Variants in EZR observed in about 807,000 individuals in gnomAD.
EZR encodes cytovillin 2.
Under a neutral mutation model 74.8 loss-of-function variants are expected in EZR, and 40 were observed. The ratio of observed to expected loss-of-function variants is 0.53; its 90% CI spans 0.42 to 0.70. The LOEUF (loss-of-function observed/expected upper bound fraction) is 0.70. Ranked by LOEUF, EZR falls within the 30% of genes least tolerant of loss-of-function variation. The pLI is 0.00. For synonymous variants in EZR, 341 were observed against 283.3 expected, an observed-to-expected ratio of 1.20 and a Z score of -2.05; for missense variants, 678 against 755.8, an observed-to-expected ratio of 0.90 and a Z score of 1.21.
At chr6:158,771,622 T>G (rs954769778) in intron 8 of EZR, among the ~76,000 whole-genome samples, 1 of 151,978 alleles carries the variant, frequency 6.6e-6, no homozygotes, top group African/African-American at 2.4e-5. Flanking sequence ...TATGTAGCAC[T>G]GGGAAAGTGC....
intron 2 of EZR, among the ~76,000 whole-genome samples, chr6:158,802,998 C>T (rs899383271): frequency 2.6e-5 from 4 of 151,154 alleles, no homozygotes; most frequent in Non-Finnish European, 5.9e-5. Context: ...CTTTAAGGAA[C>T]TTTTTGAGTA....
At chr6:158,800,865 G>A (rs1434129110) in intron 2 of EZR, among the ~76,000 whole-genome samples, 1 of 152,194 alleles carries the variant, frequency 6.6e-6, no homozygotes, top group Non-Finnish European at 1.5e-5. Context: ...AATGGATGAA[G>A]ATGTAGAACA....
At chr6:158,774,756 TAGTC>T (rs773758034) in intron 8 of EZR, among the ~76,000 whole-genome samples, 6 of 151,506 alleles carry the variant, frequency 4.0e-5, no homozygotes, top group Non-Finnish European at 7.4e-5. Flanking sequence ...GCTGCTGCTC[TAGTC>T]AAATTTTTAA....
chr6:158,812,258 G>T (rs1030879865), intron 2 of EZR, among the ~76,000 whole-genome samples: 4 of 152,156 alleles, frequency 2.6e-5, no homozygotes. Flanking sequence ...TAAGGCGGCT[G>T]GGCATCAAGT....
At chr6:158,786,133 G>A (rs1025647611) in intron 4 of EZR, among the ~76,000 whole-genome samples, 4 of 152,114 alleles carry the variant, frequency 2.6e-5, no homozygotes, top group Non-Finnish European at 5.9e-5. Context: ...CAGCACTTTG[G>A]GAGGCTGAGG....
intron 2 of EZR, among the ~76,000 whole-genome samples, chr6:158,810,681 C>T (rs182203998): frequency 1.6e-4 from 25 of 152,258 alleles, no homozygotes; most frequent in African/African-American, 5.8e-4. Context: ...GTTCATATTG[C>T]TTTTTCCTTG....
chr6:158,812,345 A>C (rs1777467003), intron 2 of EZR, among the ~76,000 whole-genome samples: 1 of 152,124 alleles, frequency 6.6e-6, no homozygotes, highest in African/African-American at 2.4e-5. Flanking sequence ...ATATATAATA[A>C]CTGCCCTTTT....
intron 2 of EZR, among the ~76,000 whole-genome samples, chr6:158,817,851 G>A (rs1315790427): frequency 6.6e-6 from 1 of 152,060 alleles, no homozygotes; most frequent in African/African-American, 2.4e-5. Context: ...TGGGGAGGGG[G>A]CTCACAAAGA....
At chr6:158,774,120 C>A (rs968919735) in intron 8 of EZR, among the ~76,000 whole-genome samples, 1 of 152,222 alleles carries the variant, frequency 6.6e-6, no homozygotes, top group Non-Finnish European at 1.5e-5. Flanking sequence ...GGAATCCCAC[C>A]GCCTCAAACT....
In EZR at chr6:158,767,390, C is replaced by T. The variant is rs144234630; in HGVS notation, c.1467G>A (p.Leu489=). The T allele has an allele frequency of 2.5e-6, 4 of 1,613,704 alleles. No individual in the cohort carries two copies. Among genetic ancestry groups the T allele is most frequent in the African/African-American group, 2.7e-5 (2 of 74,856 alleles). ...CCGTGGGCTCTGCGCCCTCATCCTG[C>T]AAGCTCTCCTGGACATGGTAGCTCA... ...EPVSYHVQES[L]QDEGAEPTGY... is the part of the protein sequence containing the mutation. The change falls in exon 13 of 14, where the codon TTG becomes TTA. Residue 489 remains leucine, a synonymous_variant. Transcript: ENST00000367075.
At chr6:158,816,156 T>C (rs749955006) in intron 2 of EZR, among the ~76,000 whole-genome samples, 2 of 152,198 alleles carry the variant, frequency 1.3e-5, no homozygotes, top group South Asian at 4.1e-4. Flanking sequence ...AGAATGGTGG[T>C]TGCCAAGGGC....
intron 2 of EZR, among the ~76,000 whole-genome samples, chr6:158,794,050 G>A (rs973115404): frequency 2.6e-5 from 4 of 152,230 alleles, no homozygotes; most frequent in Non-Finnish European, 5.9e-5. Flanking sequence ...GCCAAGGTGG[G>A]TGGCTCACTA....
At chr6:158,798,467 G>A (rs961709896) in intron 2 of EZR, among the ~76,000 whole-genome samples, 1 of 152,104 alleles carries the variant, frequency 6.6e-6, no homozygotes, top group African/African-American at 2.4e-5. Flanking sequence ...CAGTAGCGGC[G>A]CTCCAATCAT....
intron 2 of EZR, 103 bp from the exon 3 acceptor site, chr6:158,789,474 T>A (rs1393523900): frequency 2.0e-6 from 2 of 996,152 alleles, no homozygotes; most frequent in East Asian, 2.4e-5. Context: ...GGCGACGGCA[T>A]ATGCCTGACA....
intron 7 of EZR, among the ~76,000 whole-genome samples, chr6:158,778,092 G>A (rs1351076758): frequency 1.3e-5 from 2 of 152,220 alleles, no homozygotes; most frequent in East Asian, 3.8e-4. Flanking sequence ...AGTGGCACCA[G>A]GTAGGCATGT....
chr6:158,797,429 A>G (rs574220986), intron 2 of EZR, among the ~76,000 whole-genome samples: 1 of 152,322 alleles, frequency 6.6e-6, no homozygotes, highest in Non-Finnish European at 1.5e-5. Flanking sequence ...ATTAATCCCT[A>G]TATTATCACA....
At chr6:158,809,587 T>A (rs1777411079) in intron 2 of EZR, among the ~76,000 whole-genome samples, 1 of 152,214 alleles carries the variant, frequency 6.6e-6, no homozygotes, top group Non-Finnish European at 1.5e-5. Context: ...TCAGAGTCCA[T>A]GATGTGCTCA....
At chr6:158,790,588 C>T (rs918359719) in intron 2 of EZR, among the ~76,000 whole-genome samples, 1 of 152,152 alleles carries the variant, frequency 6.6e-6, no homozygotes, top group Admixed American at 6.5e-5. Flanking sequence ...GCAGGAGAAT[C>T]GCTTGAACCC....
At chr6:158,812,405 C>G (rs959152403) in intron 2 of EZR, among the ~76,000 whole-genome samples, 1 of 152,080 alleles carries the variant, frequency 6.6e-6, no homozygotes, top group Non-Finnish European at 1.5e-5. Flanking sequence ...AACATAAGCA[C>G]CCAGCCTGCA....
Sources: gnomAD v4.1 joint callset for allele counts (sites outside exome capture counted in the v4.1 genomes callset) on GRCh38, gnomAD v4.1.1 for gene constraint, MANE v1.5 for transcripts, NCBI Gene and HGNC (gene_info 2026-07-23, HGNC 2026-07-21) for gene names.